The following TASP1 variants were observed in gnomAD, a reference collection of about 807,000 sequenced individuals.
TASP1 encodes the protein taspase 1.
In TASP1, 16 loss-of-function variants were observed where a neutral mutation model predicts 56.6. The ratio of observed to expected loss-of-function variants is 0.28; its 90% CI spans 0.19 to 0.43. The LOEUF (loss-of-function observed/expected upper bound fraction) is 0.43. Among genes scored for constraint, TASP1 ranks in the 20% least tolerant of loss-of-function variants. The pLI is 1.00. For missense variants in TASP1, 393 were observed against 511.6 expected (o/e 0.77, Z 2.24); for synonymous variants, 179 against 184.2 (o/e 0.97, Z 0.23).
chr20:13,352,898 T>C, the TASP1 span, among the ~76,000 whole-genome samples: 1 of 152,214 alleles, frequency 6.6e-6, no homozygotes, highest in Non-Finnish European at 1.5e-5. Flanking sequence ...TAGCTGTCAA[T>C]TCCACATGGA....
the TASP1 span, among the ~76,000 whole-genome samples, chr20:13,116,624 G>T: frequency 3.3e-5 from 5 of 152,086 alleles, no homozygotes; most frequent in South Asian, 2.1e-4. Context: ...AGCATGGAAG[G>T]TTCTATCGTG....
At chr20:13,493,680 A>G (rs921674337) in intron 10 of TASP1, among the ~76,000 whole-genome samples, 3 of 152,160 alleles carry the variant, frequency 2.0e-5, no homozygotes, top group African/African-American at 7.2e-5. Context: ...CAGATGGTCT[A>G]TCCTGGGACT....
the TASP1 span, among the ~76,000 whole-genome samples, chr20:13,236,606 G>A: frequency 9.7e-3 from 1,480 of 152,248 alleles, 25 homozygotes; most frequent in African/African-American, 0.034. Context: ...GACAAGGCAA[G>A]TACCTTCTGC....
the TASP1 span, among the ~76,000 whole-genome samples, chr20:13,157,629 A>G: frequency 6.6e-6 from 1 of 152,048 alleles, no homozygotes; most frequent in East Asian, 1.9e-4. Context: ...TAATGTCATC[A>G]TTGGTGATTC....
chr20:13,198,145 T>A, the TASP1 span, among the ~76,000 whole-genome samples: 1 of 152,210 alleles, frequency 6.6e-6, no homozygotes, highest in African/African-American at 2.4e-5. Flanking sequence ...TTGGAATATC[T>A]AGATTTTTTT....
At chr20:13,362,670 C>T in the TASP1 span, among the ~76,000 whole-genome samples, 5 of 151,920 alleles carry the variant, frequency 3.3e-5, no homozygotes, top group East Asian at 1.9e-4. Flanking sequence ...TTGGTGGTCT[C>T]TTCACATGGA....
chr20:13,259,302 AAAG>A, the TASP1 span, among the ~76,000 whole-genome samples: 1 of 151,812 alleles, frequency 6.6e-6, no homozygotes, highest in Admixed American at 6.6e-5. Context: ...AACAAAAACA[AAAG>A]GAGTCTAGAT....
chr20:13,502,688 C>G (rs73899330), intron 10 of TASP1, among the ~76,000 whole-genome samples: 1 of 141,776 alleles, frequency 7.1e-6, no homozygotes, highest in African/African-American at 3.0e-5. Context: ...GTAGGAGAGG[C>G]TGCAACAGTG....
intron 11 of TASP1, among the ~76,000 whole-genome samples, chr20:13,481,528 A>G (rs1000303996): frequency 4.6e-5 from 7 of 152,144 alleles, no homozygotes; most frequent in African/African-American, 1.7e-4. Flanking sequence ...ACTAATTTAC[A>G]TTCCCACCAA....
chr20:13,169,273 A>G, the TASP1 span, among the ~76,000 whole-genome samples: 1 of 152,204 alleles, frequency 6.6e-6, no homozygotes, highest in Non-Finnish European at 1.5e-5. Flanking sequence ...CAGTGACATC[A>G]GATTGGTAGC....
the TASP1 span, among the ~76,000 whole-genome samples, chr20:13,306,564 CAAAAAAA>C: frequency 2.8e-3 from 181 of 63,916 alleles, no homozygotes; most frequent in African/African-American, 0.011. Context: ...GGAGAAAGGA[CAAAAAAA>C]AAAAAAAAAA....
the TASP1 span, among the ~76,000 whole-genome samples, chr20:13,163,849 G>T: frequency 6.6e-6 from 1 of 152,220 alleles, no homozygotes. Flanking sequence ...GGTTAAAAAG[G>T]CATGACCAAT....
At chr20:13,518,516 C>T (rs1349662013) in intron 10 of TASP1, among the ~76,000 whole-genome samples, 1 of 152,076 alleles carries the variant, frequency 6.6e-6, no homozygotes, top group Non-Finnish European at 1.5e-5. Context: ...ACACCTCAGA[C>T]TCAATCATCT....
the TASP1 span, among the ~76,000 whole-genome samples, chr20:13,248,415 C>T: frequency 1.1e-4 from 16 of 152,174 alleles, no homozygotes; most frequent in Non-Finnish European, 1.5e-4. Context: ...GATGTCTCCA[C>T]TCCAGAGGAA....
At chr20:13,505,131 T>C (rs2044083473) in intron 10 of TASP1, among the ~76,000 whole-genome samples, 1 of 152,072 alleles carries the variant, frequency 6.6e-6, no homozygotes, top group Non-Finnish European at 1.5e-5. Flanking sequence ...ATATTTATTA[T>C]AAGACAAAGT....
chr20:13,248,244 G>C, the TASP1 span, among the ~76,000 whole-genome samples: 1 of 152,078 alleles, frequency 6.6e-6, no homozygotes, highest in East Asian at 1.9e-4. Context: ...AACATTTCTT[G>C]TTGCTCCACT....
At chr20:13,455,594 T>A (rs979463046) in intron 11 of TASP1, among the ~76,000 whole-genome samples, 4 of 152,066 alleles carry the variant, frequency 2.6e-5, no homozygotes, top group Admixed American at 2.6e-4. Flanking sequence ...AAATCAGCAG[T>A]TTACAAATGC....
At chr20:13,520,730 A>G (rs1051472993) in intron 10 of TASP1, among the ~76,000 whole-genome samples, 1 of 152,250 alleles carries the variant, frequency 6.6e-6, no homozygotes, top group Non-Finnish European at 1.5e-5. Flanking sequence ...CTTCATGTCT[A>G]AAACACCAAA....
chr20:13,110,375 G>C, the TASP1 span, among the ~76,000 whole-genome samples: 120 of 152,304 alleles, frequency 7.9e-4, 1 homozygote, highest in African/African-American at 2.7e-3. Flanking sequence ...GCTGTCAGAC[G>C]TGGGTTATCT....
Sources: allele counts gnomAD v4.1 joint callset (sites outside exome capture counted in the v4.1 genomes callset), GRCh38; gene constraint gnomAD v4.1.1; transcripts MANE v1.5; gene names NCBI Gene and HGNC (gene_info 2026-07-23, HGNC 2026-07-21).